Variants in ACACA observed in about 807,000 individuals in gnomAD.
The protein encoded by ACACA is acetyl-CoA carboxylase alpha.
ACACA carries 103 observed loss-of-function variants against 296.1 expected under a neutral mutation model. The ratio of observed to expected loss-of-function variants is 0.35; its 90% CI spans 0.30 to 0.41. The LOEUF is 0.41. Ranked by LOEUF, ACACA falls within the 10% of genes least tolerant of loss-of-function variation. The pLI is 1.00. For missense variants in ACACA, 1,554 were observed against 2,989.7 expected, an observed-to-expected ratio of 0.52 and a Z score of 11.20; for synonymous variants, 953 against 1,038.6, an observed-to-expected ratio of 0.92 and a Z score of 1.58.
chr17:37,263,567 A>G, intron 11 of ACACA, 118 bp downstream of exon 11: 1 of 911,438 alleles, frequency 1.1e-6, no homozygotes, highest in Admixed American at 2.0e-5. Context: ...AAAGGATATA[A>G]TTTTATTAAT....
Position 37,270,896 on chromosome 17 carries a change from A to T in ACACA, c.1009-35T>A, listed in dbSNP as rs1280813306. ...GAAAGAAAAAAAAAATAGAAGAAAC[A>T]GTGTTATTACCAGGGAAGGAGAAAA... is the stretch of plus-strand genomic sequence containing the variant. On this transcript the variant is annotated intron_variant, in intron 9 of 55. Transcript: ENST00000616317. 3 of 1,541,136 alleles carry T rather than the reference A, an allele frequency of 1.9e-6. No homozygotes were observed. In the African/African-American group the frequency reaches 4.1e-5, roughly 21 times the overall value.
intron 1 of ACACA, among the ~76,000 whole-genome samples, chr17:37,390,330 A>ATATATCTATATCTATATCTATATATC (rs1386032855): frequency 2.4e-5 from 1 of 41,592 alleles, no homozygotes; most frequent in African/African-American, 1.3e-4. Flanking sequence ...ATATATATAT[A>ATATATCTATATCTATATCTATATATC]TATAAAAGGC....
chr17:37,099,828 C>G (rs2073254735), intron 52 of ACACA, among the ~76,000 whole-genome samples: 1 of 152,024 alleles, frequency 6.6e-6, no homozygotes, highest in East Asian at 1.9e-4. Flanking sequence ...ATAGCTGATT[C>G]TAGGGATGAG....
intron 3 of ACACA, among the ~76,000 whole-genome samples, chr17:37,322,110 T>A (rs948104815): frequency 1.3e-5 from 2 of 152,152 alleles, no homozygotes; most frequent in Non-Finnish European, 2.9e-5. Context: ...TTACAGGCAA[T>A]CTCATCTGAA....
rs2077786116 is a variant in ACACA at position 37,192,164 on chromosome 17, C to G, written c.4342G>C (p.Glu1448Gln). ...TAGTCTGTCACTTCTGTGCCCACTT[C>G]CACCTTGGCTGCCCCGAGATACAGG... is the stretch of plus-strand genomic sequence containing the variant. ...MHLYLGAAKV[E>Q]VGTEVTDYRF... is the part of the protein sequence containing the mutation. The change falls in exon 37 of 56, where the codon GAA (glutamate) becomes CAA (glutamine). Residue 1448 changes from glutamate to glutamine, a missense_variant. Transcript: ENST00000616317. The G allele has an allele frequency of 6.2e-7, 1 of 1,614,074 alleles. No homozygotes were observed. Among genetic ancestry groups the G allele is most frequent in the Non-Finnish European group, 8.5e-7 (1 of 1,180,010 alleles).
At chr17:37,248,370 T>C (rs2287352) in intron 17 of ACACA, among the ~76,000 whole-genome samples, 73,280 of 152,052 alleles carry the variant, frequency 0.48, 19,653 homozygotes, top group East Asian at 0.75. Context: ...GTGGTTGTTC[T>C]CTGTCTCTCC....
At chr17:37,191,579 C>T (rs80010549) in intron 37 of ACACA, among the ~76,000 whole-genome samples, 4,644 of 152,198 alleles carry the variant, frequency 0.031, 193 homozygotes, top group African/African-American at 0.091. Context: ...ATATGCCAAA[C>T]AGAGCTATTT....
At chr17:37,301,512 A>T (rs1174753322) in intron 3 of ACACA, 4 of 391,000 alleles carry the variant, frequency 1.0e-5, no homozygotes, top group Non-Finnish European at 1.4e-5. Context: ...AGTCTGAGTT[A>T]TACTGCAGCA....
At chr17:37,268,071 A>G (rs756711065) in intron 10 of ACACA, among the ~76,000 whole-genome samples, 2 of 152,156 alleles carry the variant, frequency 1.3e-5, no homozygotes, top group Non-Finnish European at 2.9e-5. Flanking sequence ...TTCTCTACCA[A>G]AATTCTCAAT....
In ACACA at chr17:37,406,732, G is replaced by C. The variant is rs995094116; in HGVS notation, c.-433C>G. On this transcript the variant is annotated 5_prime_UTR_variant, in exon 1 of 56. Transcript: ENST00000616317. Reference sequence around the variant, plus strand: ...CCCCATCCTCCCAGTCCTCGGGCACGGGGACAGCAGCAGGCGCGCGGCGGG... The same window carrying C: ...CCCCATCCTCCCAGTCCTCGGGCACCGGGACAGCAGCAGGCGCGCGGCGGG... 5.5e-6 allele frequency: 1 copy of C among 183,228 alleles called. No individual in the cohort carries two copies. The highest frequency in any genetic ancestry group is 2.4e-5 in the African/African-American group (1 of 42,386). The allele number at this position is 183,228 out of a possible 1,614,324, so 11.4% of individuals were successfully genotyped here. A position where few individuals can be genotyped will look rare whatever the true frequency, so the allele number is the denominator to read the frequency against.
At chr17:37,357,250 TGGGAGGCCGAGGA>T (rs1485966231) in intron 1 of ACACA, among the ~76,000 whole-genome samples, 2 of 152,270 alleles carry the variant, frequency 1.3e-5, no homozygotes, top group African/African-American at 4.8e-5. Flanking sequence ...CCCAGCACTT[TGGGAGGCCGAGGA>T]GGGTGGATCA....
intron 20 of ACACA, 62 bp downstream of exon 20, chr17:37,245,018 T>G: frequency 6.2e-7 from 1 of 1,611,198 alleles, no homozygotes; most frequent in Non-Finnish European, 8.5e-7. Flanking sequence ...ATCACTTGCC[T>G]CTCCAAACCA....
chr17:37,378,647 A>C (rs1195262513), intron 1 of ACACA, among the ~76,000 whole-genome samples: 9 of 152,204 alleles, frequency 5.9e-5, no homozygotes, highest in Admixed American at 5.9e-4. Context: ...AGAGAGGCGG[A>C]GGTTGCAGTG....
intron 29 of ACACA, among the ~76,000 whole-genome samples, chr17:37,217,742 A>AG: frequency 7.6e-6 from 1 of 132,432 alleles, no homozygotes; most frequent in Non-Finnish European, 1.5e-5. Context: ...CTCAAAAAAA[A>AG]AAAAAAAAAA....
intron 3 of ACACA, among the ~76,000 whole-genome samples, chr17:37,325,262 A>T (rs965996146): frequency 2.5e-4 from 38 of 149,210 alleles, no homozygotes; most frequent in Non-Finnish European, 4.6e-4. Flanking sequence ...GCTACTTGGG[A>T]GGCTAAGGGA....
intron 5 of ACACA, among the ~76,000 whole-genome samples, chr17:37,281,966 A>G (rs557645329): frequency 1.3e-5 from 2 of 152,212 alleles, no homozygotes; most frequent in South Asian, 2.1e-4. Context: ...TCTTCCTTTT[A>G]TAAGTATGAA....
chr17:37,291,724 C>T (rs913908751), intron 3 of ACACA, among the ~76,000 whole-genome samples: 1 of 152,112 alleles, frequency 6.6e-6, no homozygotes, highest in Non-Finnish European at 1.5e-5. Context: ...GCCAGTCATA[C>T]TAACCATTAC....
Position 37,110,517 on chromosome 17 carries a change from A to G in ACACA, c.6565+1014T>C, listed in dbSNP as rs574709734. On this transcript the variant is annotated intron_variant, in intron 52 of 55. Transcript: ENST00000616317. Reference sequence around the variant, plus strand: ...GTTACCCAGTGGCAAACAATGGGACACAAACAGGGTTTCTTGTAACCCAAG... The same window carrying G: ...GTTACCCAGTGGCAAACAATGGGACGCAAACAGGGTTTCTTGTAACCCAAG... 9.2e-4 allele frequency among the ~76,000 whole-genome samples: 140 copies of G among 152,346 alleles called. 2 individuals are homozygous for G. The South Asian group carries it at 0.016, about 17-fold the overall frequency.
rs140383810 is a variant in ACACA, at chr17:37,088,458, TTTTTAA to T, written c.7028+474_7028+479del. ...ATATATAGGGGTGTTCTTTGTACTG[TTTTTAA>T]TTTTATAACTTTTCTGTAAGTGAAA... On this transcript the variant is annotated intron_variant, in intron 55 of 55. Transcript: ENST00000616317. Among the ~76,000 whole-genome samples, 36 of 152,314 alleles carry T rather than the reference TTTTTAA, an allele frequency of 2.4e-4. No homozygotes were observed. The East Asian group carries it at 3.9e-3, about 16-fold the overall frequency.
Sources: gnomAD v4.1 joint callset for allele counts (sites outside exome capture counted in the v4.1 genomes callset) on GRCh38, gnomAD v4.1.1 for gene constraint, MANE v1.5 for transcripts, NCBI Gene and HGNC (gene_info 2026-07-23, HGNC 2026-07-21) for gene names.